SERPINE2: variants seen among roughly 807,000 people sequenced by gnomAD.
SERPINE2 encodes glia-derived nexin.
In SERPINE2, 14 loss-of-function variants were observed where a neutral mutation model predicts 36.3. The ratio of observed to expected loss-of-function variants is 0.39; its 90% confidence interval spans 0.25 to 0.60. The LOEUF (loss-of-function observed/expected upper bound fraction) is 0.60. Ranked by LOEUF, SERPINE2 falls within the 20% of genes least tolerant of loss-of-function variation. The pLI is 0.57. For synonymous variants in SERPINE2, 192 were observed against 191.8 expected (o/e 1.00, Z -0.01); for missense variants, 418 against 499.6 (o/e 0.84, Z 1.56).
intron 1 of SERPINE2, among the ~76,000 whole-genome samples, chr2:224,021,798 T>A (rs1259459287): frequency 1.3e-5 from 2 of 152,186 alleles, no homozygotes; most frequent in East Asian, 3.9e-4. Flanking sequence ...CCAAGGTGGG[T>A]GGATCACATG....
chr2:224,035,935 C>G (rs1692518257), intron 1 of SERPINE2, among the ~76,000 whole-genome samples: 1 of 152,030 alleles, frequency 6.6e-6, no homozygotes, highest in African/African-American at 2.4e-5. Context: ...AGTGCGGGAG[C>G]CTGGCATCAC....
intron 7 of SERPINE2, chr2:223,979,448 TA>T (rs1205335938): frequency 6.6e-6 from 1 of 152,236 alleles, no homozygotes; most frequent in Non-Finnish European, 1.5e-5. Flanking sequence ...AGAAAGGCAA[TA>T]ACACATCTAT....
At position 223,991,800 on chromosome 2, in the gene SERPINE2, C is replaced by T. The variant is rs1690683138; in HGVS notation, c.685+3G>A. 1 of 1,613,556 alleles carries T rather than the reference C, an allele frequency of 6.2e-7. No individual in the cohort carries two copies. Among genetic ancestry groups the T allele is most frequent in the Non-Finnish European group, 8.5e-7 (1 of 1,180,052 alleles). ...GAACAGGCTTCGCTGAGCATGAACTCACCACACCGGAACACGGAGAGCTGG... is the reference window on the plus strand; with the variant it reads ...GAACAGGCTTCGCTGAGCATGAACTTACCACACCGGAACACGGAGAGCTGG... On this transcript the variant is annotated splice_donor_region_variant and intron_variant, in intron 4 of 8. Transcript: ENST00000409304.
intron 1 of SERPINE2, among the ~76,000 whole-genome samples, chr2:224,007,943 T>A (rs13007502): frequency 0.11 from 17,514 of 152,298 alleles, 1,177 homozygotes; most frequent in Middle Eastern, 0.19. Flanking sequence ...ATGGGCCAGA[T>A]CTGGCCACGC....
At chr2:224,036,367 T>C (rs1307284517) in intron 1 of SERPINE2, among the ~76,000 whole-genome samples, 3 of 143,750 alleles carry the variant, frequency 2.1e-5, no homozygotes, top group African/African-American at 7.8e-5. Context: ...CAGAAAGGAA[T>C]AGAAGAACCT....
chr2:224,016,549 TA>T (rs1199632551), intron 1 of SERPINE2, among the ~76,000 whole-genome samples: 8 of 152,278 alleles, frequency 5.3e-5, no homozygotes, highest in Admixed American at 4.6e-4. Flanking sequence ...GTTTATTATT[TA>T]TTTTTTTTTA....
At chr2:224,016,878 T>C (rs576229763) in intron 1 of SERPINE2, among the ~76,000 whole-genome samples, 7 of 152,334 alleles carry the variant, frequency 4.6e-5, no homozygotes, top group African/African-American at 1.4e-4. Flanking sequence ...TTCAAAAAGA[T>C]GCATAGTGTG....
intron 3 of SERPINE2, among the ~76,000 whole-genome samples, chr2:223,997,346 A>G (rs1046838148): frequency 2.0e-5 from 3 of 151,958 alleles, no homozygotes; most frequent in African/African-American, 7.3e-5. Flanking sequence ...TCAGCCTCCC[A>G]AGTAGCTGGG....
chr2:223,984,886 G>A lies in SERPINE2; in HGVS notation c.750C>T (p.Ser250=). 6.2e-7 allele frequency: 1 copy of A among 1,614,188 alleles called. No homozygotes were observed. The highest frequency in any genetic ancestry group is 8.5e-7 in the Non-Finnish European group (1 of 1,180,016). Residue 250 remains serine, a synonymous_variant, in exon 5 of 9, where the codon AGC becomes AGT. Transcript: ENST00000409304. ...TCGGCAGTGCAATCAGCATGCTGAT[G>A]CTTTCCCCGTGGTAGGGCAGTTCAA... The part of the protein sequence containing the change: ...NFIELPYHGE[S]ISMLIALPTE...
chr2:223,975,443 T>A lies in SERPINE2; in HGVS notation c.*424A>T, dbSNP rs1313703101. 1 of 155,258 alleles carries A rather than the reference T, an allele frequency of 6.4e-6. No homozygotes were observed. The highest frequency in any genetic ancestry group is 1.4e-5 in the Non-Finnish European group (1 of 70,070). 9.6% of individuals were successfully genotyped at this position (155,258 alleles called of 1,614,324 possible). A position where few individuals can be genotyped will look rare whatever the true frequency, so the allele number is the denominator to read the frequency against. ...GGGGGAAAAGAATTTAAAAGGCAAA[T>A]AATTTTTTTTTCATAAAAAGTAAAA... On this transcript the variant is annotated 3_prime_UTR_variant, in exon 9 of 9. Transcript: ENST00000409304.
At chr2:223,985,682 G>A (rs572213549) in intron 4 of SERPINE2, among the ~76,000 whole-genome samples, 3 of 152,254 alleles carry the variant, frequency 2.0e-5, no homozygotes, top group Middle Eastern at 6.8e-3. Context: ...AGTTGAGAAA[G>A]CCACCTTTAG....
intron 5 of SERPINE2, 58 bp downstream of exon 5, chr2:223,984,694 A>G (rs891788854): frequency 3.6e-5 from 55 of 1,531,756 alleles, no homozygotes; most frequent in Middle Eastern, 2.3e-4. Context: ...GGTGTCCGAC[A>G]TAACACCTGC....
chr2:224,032,135 G>A (rs910767031), intron 1 of SERPINE2, among the ~76,000 whole-genome samples: 2 of 152,198 alleles, frequency 1.3e-5, no homozygotes, highest in Non-Finnish European at 2.9e-5. Context: ...AACTTCTTGA[G>A]TGGATTTCTT....
chr2:223,998,422 G>T, intron 2 of SERPINE2, 80 bp from the exon 3 acceptor site: 2 of 1,100,616 alleles, frequency 1.8e-6, no homozygotes, highest in Non-Finnish European at 2.7e-6. Context: ...GTTGCAGCAA[G>T]TAAGAACAGT....
chr2:224,006,859 C>A (rs1691444092), intron 1 of SERPINE2, among the ~76,000 whole-genome samples: 1 of 152,186 alleles, frequency 6.6e-6, no homozygotes, highest in South Asian at 2.1e-4. Flanking sequence ...GGCAAATGTT[C>A]TGCACAGACG....
At chr2:223,985,022 C>T in intron 4 of SERPINE2, 72 bp from the exon 5 acceptor site, 6 of 1,370,854 alleles carry the variant, frequency 4.4e-6, no homozygotes, top group South Asian at 1.2e-5. Context: ...TTGCTGGTCA[C>T]CGGGATAGCT....
chr2:224,026,461 T>C (rs1692187673), intron 1 of SERPINE2, among the ~76,000 whole-genome samples: 1 of 152,214 alleles, frequency 6.6e-6, no homozygotes, highest in Non-Finnish European at 1.5e-5. Flanking sequence ...ATTCATAATA[T>C]GCATTGACTG....
rs573962939 is a variant in SERPINE2 at position 224,039,270 on chromosome 2, G to A, written c.-194C>T. ...GGCGCCTGCAGACGCCGCGCAGCCC[G>A]GGCAGCCCCACAGCGCAAGCTGGCT... On this transcript the variant is annotated 5_prime_UTR_variant, in exon 1 of 9. Coordinates refer to ENST00000409304, the MANE Select transcript of SERPINE2 (RefSeq NM_001136528.2). The surrounding 1 kb of genome is among the most constrained non-coding windows in gnomAD (Gnocchi z 5.2). 10 of 150,558 alleles carry A rather than the reference G, an allele frequency of 6.6e-5. No homozygotes were observed. The East Asian group carries it at 1.8e-3, about 26-fold the overall frequency. 9.3% of individuals were successfully genotyped at this position (150,558 alleles called of 1,614,324 possible). A position where few individuals can be genotyped will look rare whatever the true frequency, so the allele number is the denominator to read the frequency against.
chr2:223,981,296 ACCC>A (rs2106134294), intron 6 of SERPINE2: 1 of 152,120 alleles, frequency 6.6e-6, no homozygotes, highest in South Asian at 2.1e-4. Flanking sequence ...TCCTGTGAAC[ACCC>A]CCCATTTAGT....
Sources: gnomAD v4.1 joint callset for allele counts (sites outside exome capture counted in the v4.1 genomes callset) on GRCh38, gnomAD v4.1.1 for gene constraint, Gnocchi (gnomAD v3.1) non-coding constraint, MANE v1.5 for transcripts, NCBI Gene and HGNC (gene_info 2026-07-23, HGNC 2026-07-21) for gene names.